The following CLDN14 variants were observed in gnomAD, a reference collection of about 807,000 sequenced individuals.
CLDN14 encodes claudin-14.
Under a neutral mutation model 2.1 loss-of-function variants are expected in CLDN14, and 2 were observed. The ratio of observed to expected loss-of-function variants is 0.96; its 90% CI spans 0.39 to 3.01. The LOEUF is 3.01. Ranked by LOEUF, CLDN14 falls within the 30% of genes most tolerant of loss-of-function variation. The pLI is 0.09. For synonymous variants in CLDN14, 136 were observed against 154.4 expected (o/e 0.88, Z 0.88); for missense variants, 298 against 328.0 (o/e 0.91, Z 0.71).
At chr21:36,521,734 A>G (rs1377577408) in intron 1 of CLDN14, among the ~76,000 whole-genome samples, 1 of 152,170 alleles carries the variant, frequency 6.6e-6, no homozygotes, top group Non-Finnish European at 1.5e-5. Flanking sequence ...GGCAAATGGT[A>G]CCACCTGATG....
At chr21:36,526,596 G>T (rs2087332364) in intron 1 of CLDN14, 1 of 152,156 alleles carries the variant, frequency 6.6e-6, no homozygotes, top group Non-Finnish European at 1.5e-5. Context: ...TGGGATGTTT[G>T]TGTTTTCAAT....
intron 1 of CLDN14, among the ~76,000 whole-genome samples, chr21:36,538,686 A>C (rs892640540): frequency 6.6e-6 from 1 of 152,210 alleles, no homozygotes; most frequent in African/African-American, 2.4e-5. Flanking sequence ...GTCCAGCAGC[A>C]GTCGGTAAGA....
intron 2 of CLDN14, among the ~76,000 whole-genome samples, chr21:36,496,121 T>C (rs2087014815): frequency 6.6e-6 from 1 of 152,134 alleles, no homozygotes. Context: ...AGGATGCTAA[T>C]ATACTGTGTT....
intron 1 of CLDN14, among the ~76,000 whole-genome samples, chr21:36,521,790 G>A (rs1372733555): frequency 6.6e-6 from 1 of 152,116 alleles, no homozygotes; most frequent in African/African-American, 2.4e-5. Context: ...TGATGGGGAC[G>A]GAGGTCAGCA....
chr21:36,526,522 G>A (rs2087331225), intron 1 of CLDN14: 1 of 152,148 alleles, frequency 6.6e-6, no homozygotes, highest in Non-Finnish European at 1.5e-5. Context: ...CTGGCAAAGT[G>A]GGGTCCTGGA....
At position 36,518,893 on chromosome 21, in the gene CLDN14, A is replaced by AT. The variant is rs2087248458; in HGVS notation, c.-219-8394dup. Among the ~76,000 whole-genome samples the AT allele has an allele frequency of 2.0e-5, 3 of 152,242 alleles. No individual in the cohort carries two copies. In the South Asian group the frequency reaches 6.2e-4, roughly 32 times the overall value. On this transcript the variant is annotated intron_variant, in intron 1 of 2. Coordinates refer to the CLDN14 transcript ENST00000342108. ...GTGGGAGTCCTTCTCACAGGAGATC[A>AT]TAACTCCAACTAATGCAACCTCCCC...
rs537211533 is a variant in CLDN14 at position 36,521,509 on chromosome 21, A to G, written c.-219-11009T>C. Reference sequence around the variant, plus strand: ...GAGCCATCCAAACCTCTACTTCTGAATGTTCCCATGGCAAAAACACAGATT... The same window carrying G: ...GAGCCATCCAAACCTCTACTTCTGAGTGTTCCCATGGCAAAAACACAGATT... On this transcript the variant is annotated intron_variant, in intron 1 of 2. Coordinates refer to the CLDN14 transcript ENST00000342108. Among the ~76,000 whole-genome samples the G allele has an allele frequency of 1.6e-4, 25 of 152,326 alleles. No individual in the cohort carries two copies. The South Asian group carries it at 5.2e-3, about 32-fold the overall frequency.
At chr21:36,542,831 C>G (rs1601631407) in intron 1 of CLDN14, 1 of 153,230 alleles carries the variant, frequency 6.5e-6, no homozygotes, top group South Asian at 2.1e-4. Flanking sequence ...CGAGTCCCTC[C>G]CGCAGCCCGC....
At chr21:36,485,477 G>C (rs1002261789) in intron 2 of CLDN14, among the ~76,000 whole-genome samples, 6 of 152,176 alleles carry the variant, frequency 3.9e-5, no homozygotes, top group African/African-American at 1.4e-4. Flanking sequence ...CCAAAGTGTT[G>C]ATATTACAGG....
chr21:36,548,627 G>T (rs1273719243), intron 1 of CLDN14, among the ~76,000 whole-genome samples: 2 of 152,144 alleles, frequency 1.3e-5, no homozygotes, highest in Non-Finnish European at 2.9e-5. Flanking sequence ...TGCGTGGATG[G>T]TTACCCTGAC....
chr21:36,506,825 A>G (rs963267589), intron 2 of CLDN14, among the ~76,000 whole-genome samples: 1 of 152,132 alleles, frequency 6.6e-6, no homozygotes, highest in Admixed American at 6.5e-5. Context: ...CAGAGCATCA[A>G]GAGTTACAAG....
At chr21:36,553,938 C>T (rs1397215522) in intron 1 of CLDN14, among the ~76,000 whole-genome samples, 1 of 152,134 alleles carries the variant, frequency 6.6e-6, no homozygotes, top group African/African-American at 2.4e-5. Context: ...ATATCATTGG[C>T]TATGGCGAAT....
chr21:36,543,813 G>T (rs749249139), intron 1 of CLDN14, among the ~76,000 whole-genome samples: 2 of 152,248 alleles, frequency 1.3e-5, no homozygotes, highest in African/African-American at 4.8e-5. Context: ...GTGGGACACG[G>T]CCAAAAGCAA....
At chr21:36,573,262 A>G (rs9981948) in intron 1 of CLDN14, among the ~76,000 whole-genome samples, 43,356 of 148,296 alleles carry the variant, frequency 0.29, 6,632 homozygotes, top group African/African-American at 0.38. Context: ...GATCATGCCA[A>G]TGCACTCCAG....
rs1236827270 is a variant in CLDN14, at chr21:36,461,722, G to A, written c.-27C>T. ...GTGCGGCTGCCTGCCTAGGCCAGCC[G>A]GGCAGCTCCCTGGGCCCTCGGGGTC... On this transcript the variant is annotated 5_prime_UTR_variant, in exon 2 of 2. Coordinates refer to ENST00000399135, the MANE Select transcript of CLDN14 (RefSeq NM_001146079.2). 14 of 1,545,566 alleles carry A rather than the reference G, an allele frequency of 9.1e-6. No individual in the cohort carries two copies. Among genetic ancestry groups the A allele is most frequent in the East Asian group, 2.4e-5 (1 of 40,886 alleles).
chr21:36,537,064 C>T (rs1601628468), intron 1 of CLDN14, among the ~76,000 whole-genome samples: 2 of 152,166 alleles, frequency 1.3e-5, no homozygotes, highest in South Asian at 4.1e-4. Context: ...GTGGCGCATG[C>T]CTGTAATTTC....
chr21:36,512,829 G>A (rs189817727), intron 1 of CLDN14, among the ~76,000 whole-genome samples: 110 of 152,090 alleles, frequency 7.2e-4, no homozygotes, highest in Non-Finnish European at 1.1e-3. Context: ...GACAGAGAAG[G>A]GCACCTTTCA....
intron 1 of CLDN14, among the ~76,000 whole-genome samples, chr21:36,461,981 C>T (rs2086584150): frequency 6.6e-6 from 1 of 152,184 alleles, no homozygotes; most frequent in South Asian, 2.1e-4. Context: ...GGGATGACAG[C>T]CGGACGCTGG....
chr21:36,461,607 C>T lies in CLDN14; in HGVS notation c.89G>A (p.Trp30Ter), dbSNP rs1273842424. The T allele has an allele frequency of 1.9e-5, 31 of 1,604,634 alleles. No individual in the cohort carries two copies. Among genetic ancestry groups the T allele is most frequent in the Non-Finnish European group, 2.6e-5 (31 of 1,176,144 alleles). The change falls in exon 2 of 2, where the codon TGG (tryptophan) becomes TAG (stop). Residue 30 changes from tryptophan to a stop codon, truncating the protein, a stop_gained. Transcript: ENST00000399135. LOFTEE classifies it high-confidence loss of function. Reference sequence around the variant, plus strand: ...GGTGCCCACGTGCGCTGTCCTCCGCCAGTGCGGCAGGATGGTGGTGATCAA... The same window carrying T: ...GGTGCCCACGTGCGCTGTCCTCCGCTAGTGCGGCAGGATGGTGGTGATCAA... ...GTLITTILPH[W>*]RRTAHVGTNI... is the part of the protein sequence containing the mutation.
Sources: gnomAD v4.1 joint callset for allele counts (sites outside exome capture counted in the v4.1 genomes callset) on GRCh38, gnomAD v4.1.1 for gene constraint, MANE v1.5 for transcripts, NCBI Gene and HGNC (gene_info 2026-07-23, HGNC 2026-07-21) for gene names.